The following CATSPERQ variants were observed in gnomAD, a reference collection of about 807,000 sequenced individuals.
CATSPERQ encodes cation channel sperm-associated auxiliary subunit theta.
At chr8:144,353,829 G>A in the CATSPERQ span, 6 of 1,535,474 alleles carry the variant, frequency 3.9e-6, no homozygotes, top group Non-Finnish European at 5.2e-6. Flanking sequence ...ACCTGTGGCC[G>A]CCGAGGACCA....
chr8:144,353,955 A>G, the CATSPERQ span: 1 of 1,531,542 alleles, frequency 6.5e-7, no homozygotes. Flanking sequence ...GCCCGTTACC[A>G]TCGGAGCTGA....
the CATSPERQ span, chr8:144,353,978 C>A: frequency 6.5e-7 from 1 of 1,534,270 alleles, no homozygotes; most frequent in East Asian, 2.4e-5. Flanking sequence ...GCCAGGCGCA[C>A]GTAGACCAGA....
the CATSPERQ span, chr8:144,354,554 C>CA: frequency 1.1e-6 from 1 of 924,980 alleles, no homozygotes; most frequent in Non-Finnish European, 1.6e-6. This position sits in a 1 kb window ranked among gnomAD's most constrained non-coding sequence, Gnocchi z 4.6. Flanking sequence ...GCCCGTCTCC[C>CA]TCCTCCCCCG....
the CATSPERQ span, chr8:144,353,489 G>C: frequency 1.4e-5 from 22 of 1,535,834 alleles, no homozygotes; most frequent in South Asian, 1.7e-4. Flanking sequence ...AGTTGATGTT[G>C]AGTTTCCGGG....
chr8:144,353,514 A>C, the CATSPERQ span: 1 of 1,534,706 alleles, frequency 6.5e-7, no homozygotes, highest in East Asian at 2.4e-5. Context: ...GTAACGGCCC[A>C]AGTATTCCAT....
At chr8:144,354,475 A>C in the CATSPERQ span, 1 of 1,319,440 alleles carries the variant, frequency 7.6e-7, no homozygotes, top group African/African-American at 1.6e-5. This position sits in a 1 kb window ranked among gnomAD's most constrained non-coding sequence, Gnocchi z 4.6. Flanking sequence ...CCCCAGGAGC[A>C]CCGGCCGGCC....
chr8:144,353,870 G>A, the CATSPERQ span: 1 of 1,534,264 alleles, frequency 6.5e-7, no homozygotes, highest in South Asian at 1.2e-5. Context: ...TGGGCTGCGG[G>A]GAGAGCGGAC....
At chr8:144,353,424 G>C in the CATSPERQ span, 11 of 1,535,850 alleles carry the variant, frequency 7.2e-6, no homozygotes, top group Non-Finnish European at 9.6e-6. Flanking sequence ...GCCAGCGCCA[G>C]GGGGTGGCCA....
At chr8:144,353,735 G>A in the CATSPERQ span, 1 of 1,531,918 alleles carries the variant, frequency 6.5e-7, no homozygotes, top group African/African-American at 1.4e-5. Context: ...AGTGATCGGT[G>A]TCATCGTGTC....
chr8:144,354,574 T>A, the CATSPERQ span: 53 of 322,894 alleles, frequency 1.6e-4, no homozygotes, highest in Non-Finnish European at 2.4e-4. The surrounding 1 kb of genome is among the most constrained non-coding windows in gnomAD (Gnocchi z 4.6). Flanking sequence ...GCCCCGCCCT[T>A]CCCAGCCCCG....
At chr8:144,353,399 C>CTTGCCCATCA in the CATSPERQ span, 10 of 1,535,588 alleles carry the variant, frequency 6.5e-6, no homozygotes, top group African/African-American at 1.4e-4. Context: ...CCATGGGGCT[C>CTTGCCCATCA]TTGCCCATCA....
the CATSPERQ span, chr8:144,354,010 G>C: frequency 3.0e-5 from 46 of 1,535,350 alleles, no homozygotes; most frequent in Non-Finnish European, 3.5e-6. The surrounding 1 kb of genome is among the most constrained non-coding windows in gnomAD (Gnocchi z 4.6). Flanking sequence ...CTGGCACACG[G>C]TGCGGCCCTG....
At chr8:144,353,989 T>C in the CATSPERQ span, 8 of 1,534,526 alleles carry the variant, frequency 5.2e-6, no homozygotes, top group Non-Finnish European at 5.2e-6. Context: ...GTAGACCAGA[T>C]GCAAGGGGCC....
the CATSPERQ span, chr8:144,353,651 C>A: frequency 6.9e-7 from 1 of 1,455,178 alleles, no homozygotes; most frequent in Non-Finnish European, 9.2e-7. Context: ...GCCCTCTCCA[C>A]GGCCCCCAGC....
At chr8:144,354,423 G>T in the CATSPERQ span, 5 of 1,377,848 alleles carry the variant, frequency 3.6e-6, no homozygotes, top group Non-Finnish European at 4.8e-6. The surrounding 1 kb of genome is among the most constrained non-coding windows in gnomAD (Gnocchi z 4.6). Context: ...CTGGGTCCGC[G>T]CAGGGCTCGC....
the CATSPERQ span, chr8:144,354,569 G>GC: frequency 3.9e-6 from 1 of 255,820 alleles, no homozygotes; most frequent in South Asian, 5.8e-5. This position sits in a 1 kb window ranked among gnomAD's most constrained non-coding sequence, Gnocchi z 4.6. Flanking sequence ...CCCCCGCCCC[G>GC]CCCTTCCCAG....
chr8:144,354,642 G>A, the CATSPERQ span: 8 of 1,534,124 alleles, frequency 5.2e-6, no homozygotes, highest in Admixed American at 2.0e-5. This position sits in a 1 kb window ranked among gnomAD's most constrained non-coding sequence, Gnocchi z 4.6. Context: ...GCACGAATGG[G>A]TAGAAGCTAT....
the CATSPERQ span, chr8:144,354,522 C>G: frequency 6.9e-7 from 1 of 1,445,736 alleles, no homozygotes; most frequent in East Asian, 2.6e-5. This position sits in a 1 kb window ranked among gnomAD's most constrained non-coding sequence, Gnocchi z 4.6. Context: ...GCCCACCTGG[C>G]TCCGCCCCAT....
the CATSPERQ span, chr8:144,354,778 C>A: frequency 6.5e-7 from 1 of 1,531,262 alleles, no homozygotes; most frequent in Non-Finnish European, 8.7e-7. This position sits in a 1 kb window ranked among gnomAD's most constrained non-coding sequence, Gnocchi z 4.6. Context: ...CTGAGTCAGG[C>A]AGAGGTGGTC....
Sources: gnomAD v4.1 joint callset for allele counts on GRCh38, gnomAD v4.1.1 for gene constraint, Gnocchi (gnomAD v3.1) non-coding constraint, MANE v1.5 for transcripts, NCBI Gene and HGNC (gene_info 2026-07-23, HGNC 2026-07-21) for gene names.